Variants in IMPACT observed in about 807,000 individuals in gnomAD.
IMPACT encodes impact RWD domain protein, also known as protein IMPACT.
IMPACT carries 35 observed loss-of-function variants against 47.5 expected under a neutral mutation model. That is an observed-to-expected ratio of 0.74 (90% CI 0.56 to 0.98). The LOEUF is 0.98. IMPACT is among the 50% of genes least tolerant of loss of function. IMPACT has a pLI of 0.00. For missense variants in IMPACT, 373 were observed against 394.8 expected (o/e 0.94, Z 0.47); for synonymous variants, 118 against 125.6 (o/e 0.94, Z 0.40).
intron 4 of IMPACT, chr18:24,435,333 A>G (rs1306715804): frequency 6.6e-6 from 1 of 152,230 alleles, no homozygotes; most frequent in Non-Finnish European, 1.5e-5. Flanking sequence ...ACTTTTGATA[A>G]AACAAAAAGT....
intron 5 of IMPACT, 150 bp from the exon 6 acceptor site, chr18:24,440,346 A>G: frequency 1.4e-6 from 1 of 699,528 alleles, no homozygotes; most frequent in Non-Finnish European, 2.3e-6. Context: ...TCCTTGCTCC[A>G]ACTCAGGAAT....
chr18:24,444,210 G>C (rs1909191329), intron 7 of IMPACT, among the ~76,000 whole-genome samples: 1 of 152,168 alleles, frequency 6.6e-6, no homozygotes, highest in Non-Finnish European at 1.5e-5. Context: ...TTCTAATTCT[G>C]AATCTGTTTA....
intron 5 of IMPACT, among the ~76,000 whole-genome samples, chr18:24,438,917 C>A (rs1909019186): frequency 6.6e-6 from 1 of 151,926 alleles, no homozygotes; most frequent in African/African-American, 2.4e-5. Context: ...TGTGTATGTA[C>A]CCACACACAA....
chr18:24,437,984 T>G lies in IMPACT; in HGVS notation c.311T>G (p.Leu104Arg). The change falls in exon 5 of 11, where the codon CTG becomes CGG. Residue 104 changes from leucine to arginine, a missense_variant. By Grantham distance (102) the Leu-to-Arg change is moderately radical. Coordinates refer to ENST00000284202, the MANE Select transcript of IMPACT (RefSeq NM_018439.4). ...IQNIGESILY[L>R]WVEKIRDVLI... is the part of the protein sequence containing the mutation. ...AATATCGGTGAAAGTATTCTTTACC[T>G]GTGGGTGGAGAAAATAAGAGATGTT... The G allele has an allele frequency of 3.2e-6, 5 of 1,580,788 alleles. No homozygotes were observed. Among genetic ancestry groups the G allele is most frequent in the Non-Finnish European group, 4.3e-6 (5 of 1,159,234 alleles).
At chr18:24,449,994 A>C in intron 10 of IMPACT, 41 bp downstream of exon 10, 1 of 1,594,658 alleles carries the variant, frequency 6.3e-7, no homozygotes, top group Middle Eastern at 1.7e-4. Context: ...ATTTCTCATC[A>C]CTGCCTGGGA....
chr18:24,433,581 C>G (rs953195642), intron 4 of IMPACT, among the ~76,000 whole-genome samples: 4 of 151,918 alleles, frequency 2.6e-5, no homozygotes, highest in Non-Finnish European at 5.9e-5. Context: ...AAGTGATCCT[C>G]CTGCCTCTCA....
Position 24,452,709 on chromosome 18 carries a change from A to C in IMPACT, c.*1862A>C, listed in dbSNP as rs1002552928. 6.6e-6 allele frequency: 1 copy of C among 152,102 alleles called. No individual in the cohort carries two copies. The highest frequency in any genetic ancestry group is 1.5e-5 in the Non-Finnish European group (1 of 68,024). The allele number at this position is 152,102 out of a possible 1,614,324, so 9.4% of individuals were successfully genotyped here. On this transcript the variant is annotated 3_prime_UTR_variant, in exon 11 of 11. Coordinates refer to ENST00000284202, the MANE Select transcript of IMPACT (RefSeq NM_018439.4). ...ATAGTATTTTTTTCCTCTATTTAAA[A>C]TTTTTGTCTTGATTAGGAGATTTTT...
chr18:24,429,211 C>A (rs581882), intron 3 of IMPACT, among the ~76,000 whole-genome samples: 139,677 of 152,150 alleles, frequency 0.92, 64,296 homozygotes, highest in Admixed American at 0.95. Context: ...AGTAATCTAG[C>A]AACCTTGGCC....
rs533698690 is a variant in IMPACT, at chr18:24,450,894, A to G, written c.*47A>G. On this transcript the variant is annotated 3_prime_UTR_variant, in exon 11 of 11. Coordinates refer to ENST00000284202, the MANE Select transcript of IMPACT (RefSeq NM_018439.4). ...TTAATTTGCCTATAATTATATATAC[A>G]TTCCATAGTCATCAAGGAATATATT... 4 of 1,119,712 alleles carry G rather than the reference A, an allele frequency of 3.6e-6. No individual in the cohort carries two copies. The East Asian group carries it at 9.5e-5, about 27-fold the overall frequency. 69.4% of individuals were successfully genotyped at this position (1,119,712 alleles called of 1,614,324 possible).
intron 6 of IMPACT, 95 bp downstream of exon 6, chr18:24,440,713 C>T: frequency 1.7e-6 from 2 of 1,170,568 alleles, no homozygotes; most frequent in Non-Finnish European, 2.3e-6. Flanking sequence ...TAATTTTCTC[C>T]AGTTTTAGGA....
Position 24,445,442 on chromosome 18 carries a change from C to T in IMPACT, c.644C>T (p.Ala215Val). 1 of 1,604,726 alleles carries T rather than the reference C, an allele frequency of 6.2e-7. No homozygotes were observed. Among genetic ancestry groups the T allele is most frequent in the African/African-American group, 1.3e-5 (1 of 74,750 alleles). ...TATGAGAATAAGAAAATAGCTAGTG[C>T]CACCCACAACATCTATGCCTACAGG... is the stretch of plus-strand genomic sequence containing the variant. The part of the protein sequence containing the change: ...KLYENKKIAS[A>V]THNIYAYRIY... The change falls in exon 8 of 11, where the codon GCC becomes GTC. Residue 215 changes from alanine (A) to valine (V), a missense_variant. By Grantham distance (64) the Ala-to-Val change is moderately conservative (BLOSUM62 0). Transcript: ENST00000284202.
At chr18:24,441,254 G>T (rs573046778) in intron 6 of IMPACT, among the ~76,000 whole-genome samples, 1 of 152,264 alleles carries the variant, frequency 6.6e-6, no homozygotes, top group East Asian at 1.9e-4. Context: ...GAGTGCAGTG[G>T]CACGATCTCA....
Position 24,440,566 on chromosome 18 carries a change from G to T in IMPACT, c.438G>T (p.Gln146His), listed in dbSNP as rs778593643. 7 of 1,613,388 alleles carry T rather than the reference G, an allele frequency of 4.3e-6. No individual in the cohort carries two copies. In the South Asian group the frequency reaches 7.7e-5, roughly 18 times the overall value. Residue 146 changes from glutamine to histidine, a missense_variant, in exon 6 of 11, where the codon CAG becomes CAT. By Grantham distance (24) the Gln-to-His change is conservative. Coordinates refer to ENST00000284202, the MANE Select transcript of IMPACT (RefSeq NM_018439.4). ...AAGATGATCTCATTTTAGCATGTCAGCCGGAAAGTTCGCTTAAAGCATTGG... is the reference window on the plus strand; with the variant it reads ...AAGATGATCTCATTTTAGCATGTCATCCGGAAAGTTCGCTTAAAGCATTGG... ...ECEDDLILAC[Q>H]PESSLKALDF... is the part of the protein sequence containing the mutation.
intron 8 of IMPACT, 87 bp from the exon 9 acceptor site, chr18:24,448,006 G>A: frequency 1.4e-6 from 1 of 731,368 alleles, no homozygotes; most frequent in Non-Finnish European, 2.3e-6. Context: ...GATTTTGGAA[G>A]TAATCAAAAT....
Position 24,428,858 on chromosome 18 carries a change from C to A in IMPACT, c.166-11C>A. Reference sequence around the variant, plus strand: ...GAAGTGTAAACAGATGTTTTTGAACCTGCATTGTAGGTGATGCTGCCGAAT... The same window carrying A: ...GAAGTGTAAACAGATGTTTTTGAACATGCATTGTAGGTGATGCTGCCGAAT... On this transcript the variant is annotated splice_polypyrimidine_tract_variant and intron_variant, in intron 2 of 10. Transcript: ENST00000284202. 1 of 1,606,828 alleles carries A rather than the reference C, an allele frequency of 6.2e-7. No homozygotes were observed. Among genetic ancestry groups the A allele is most frequent in the Non-Finnish European group, 8.5e-7 (1 of 1,175,688 alleles).
At position 24,426,713 on chromosome 18, in the gene IMPACT, C is replaced by G; in HGVS notation, c.-44C>G. Reference sequence around the variant, plus strand: ...AGCCGCAGCGCCCCGCCCCCGCGCTCCGGACCTGGCAGGCGGCGGCTGCAG... The same window carrying G: ...AGCCGCAGCGCCCCGCCCCCGCGCTGCGGACCTGGCAGGCGGCGGCTGCAG... On this transcript the variant is annotated 5_prime_UTR_variant, in exon 1 of 11. Transcript: ENST00000284202. The G allele has an allele frequency of 3.2e-6, 4 of 1,239,390 alleles. No homozygotes were observed. The highest frequency in any genetic ancestry group is 4.0e-6 in the Non-Finnish European group (4 of 990,124). The allele number at this position is 1,239,390 out of a possible 1,614,324, so 76.8% of individuals were successfully genotyped here.
intron 5 of IMPACT, among the ~76,000 whole-genome samples, chr18:24,438,937 A>G (rs1195719731): frequency 6.6e-6 from 1 of 152,156 alleles, no homozygotes; most frequent in Non-Finnish European, 1.5e-5. Context: ...AAGAGAGAGA[A>G]ATATATTTTA....
intron 4 of IMPACT, among the ~76,000 whole-genome samples, chr18:24,435,172 G>A (rs561997256): frequency 5.3e-5 from 8 of 151,928 alleles, no homozygotes; most frequent in African/African-American, 9.7e-5. Context: ...GTCTTGCTAC[G>A]TTGCCCAGAC....
rs992219484 is a variant in IMPACT at position 24,428,745 on chromosome 18, C to G, written c.166-124C>G. 6 of 629,554 alleles carry G rather than the reference C, an allele frequency of 9.5e-6. No individual in the cohort carries two copies. In the African/African-American group the frequency reaches 1.1e-4, roughly 12 times the overall value. The allele number at this position is 629,554 out of a possible 1,614,324, so 39.0% of individuals were successfully genotyped here. A position where few individuals can be genotyped will look rare whatever the true frequency, so the allele number is the denominator to read the frequency against. On this transcript the variant is annotated intron_variant, in intron 2 of 10. Coordinates refer to ENST00000284202, the MANE Select transcript of IMPACT (RefSeq NM_018439.4). Reference sequence around the variant, plus strand: ...GGGTCAGGGTATAATGTCCATATTTCAGTTTTCCTTTTCCTTTCATCTCTG... The same window carrying G: ...GGGTCAGGGTATAATGTCCATATTTGAGTTTTCCTTTTCCTTTCATCTCTG...
Sources: gnomAD v4.1 joint callset for allele counts (sites outside exome capture counted in the v4.1 genomes callset) on GRCh38, gnomAD v4.1.1 for gene constraint, MANE v1.5 for transcripts, NCBI Gene and HGNC (gene_info 2026-07-23, HGNC 2026-07-21) for gene names.